SLC25A13: variants seen among roughly 807,000 people sequenced by gnomAD.
SLC25A13 encodes electrogenic aspartate/glutamate antiporter SLC25A13, mitochondrial.
A neutral mutation model predicts 85.5 loss-of-function variants in SLC25A13; 70 were observed. The observed-to-expected ratio is 0.82, with a 90% confidence interval of 0.68 to 1.00. SLC25A13 has a LOEUF of 1.00. SLC25A13 is among the 50% of genes least tolerant of loss of function. SLC25A13 has a pLI of 0.00. For synonymous variants in SLC25A13, 259 were observed against 288.7 expected (o/e 0.90, Z 1.04); for missense variants, 765 against 819.8 (o/e 0.93, Z 0.82).
chr7:96,321,552 C>T (rs78719334), intron 1 of SLC25A13, among the ~76,000 whole-genome samples: 2,969 of 152,300 alleles, frequency 0.019, 94 homozygotes, highest in African/African-American at 0.066. Flanking sequence ...AGTCAACAAC[C>T]AGCGGGGTCA....
chr7:96,162,497 A>T (rs113239565), intron 13 of SLC25A13, among the ~76,000 whole-genome samples: 1,626 of 152,280 alleles, frequency 0.011, 29 homozygotes, highest in African/African-American at 0.036. Flanking sequence ...CCATGACTCA[A>T]GGCTGCCATA....
chr7:96,185,481 C>G (rs966596173), intron 9 of SLC25A13, among the ~76,000 whole-genome samples: 2 of 152,120 alleles, frequency 1.3e-5, no homozygotes, highest in Non-Finnish European at 2.9e-5. Flanking sequence ...TGCCTGTAGT[C>G]TCAGCTACTC....
In SLC25A13 at chr7:96,297,807, G is replaced by A. The variant is rs1406630744; in HGVS notation, c.16-856C>T. Reference sequence around the variant, plus strand: ...ATTAATAAATCATAGGTCTCCAAAGGTATGATATTATTCTACATATTTTAG... The same window carrying A: ...ATTAATAAATCATAGGTCTCCAAAGATATGATATTATTCTACATATTTTAG... On this transcript the variant is annotated intron_variant, in intron 1 of 17. Transcript: ENST00000265631. Among the ~76,000 whole-genome samples, 4 of 152,194 alleles carry A rather than the reference G, an allele frequency of 2.6e-5. No homozygotes were observed. In the East Asian group the frequency reaches 7.7e-4, roughly 29 times the overall value.
intron 3 of SLC25A13, among the ~76,000 whole-genome samples, chr7:96,271,634 G>C (rs1052656340): frequency 6.6e-6 from 1 of 152,086 alleles, no homozygotes; most frequent in Non-Finnish European, 1.5e-5. Context: ...TTATCTCATC[G>C]ATAAAACCAA....
intron 13 of SLC25A13, among the ~76,000 whole-genome samples, chr7:96,156,700 C>G (rs1793280601): frequency 6.6e-6 from 1 of 152,142 alleles, no homozygotes; most frequent in Admixed American, 6.6e-5. Flanking sequence ...ACCTGCCCGC[C>G]TCAGCCTCCC....
At chr7:96,321,563 G>A (rs1316385767) in intron 1 of SLC25A13, among the ~76,000 whole-genome samples, 1 of 152,214 alleles carries the variant, frequency 6.6e-6, no homozygotes, top group Non-Finnish European at 1.5e-5. Flanking sequence ...AGCGGGGTCA[G>A]GAGCAGGAGC....
intron 3 of SLC25A13, among the ~76,000 whole-genome samples, chr7:96,256,727 C>G (rs981505084): frequency 5.9e-5 from 9 of 152,166 alleles, no homozygotes; most frequent in Non-Finnish European, 1.3e-4. Context: ...AACTAATAGA[C>G]AGCTATAGAA....
intron 2 of SLC25A13, among the ~76,000 whole-genome samples, chr7:96,277,544 G>C (rs1260261890): frequency 2.0e-5 from 3 of 152,090 alleles, no homozygotes; most frequent in Non-Finnish European, 4.4e-5. Context: ...TGGGAGCAAT[G>C]TTTTCCCACA....
At chr7:96,249,085 C>T (rs753833781) in intron 3 of SLC25A13, among the ~76,000 whole-genome samples, 55 of 152,262 alleles carry the variant, frequency 3.6e-4, no homozygotes, top group South Asian at 6.2e-4. Context: ...GTGGGAGGGT[C>T]GCTTGAGCCC....
intron 3 of SLC25A13, among the ~76,000 whole-genome samples, chr7:96,246,938 T>C (rs1000528093): frequency 1.3e-5 from 2 of 152,252 alleles, no homozygotes; most frequent in Admixed American, 6.5e-5. Context: ...TTTCTTCTTA[T>C]TGTATTTTTG....
At chr7:96,196,649 C>G (rs1372274217) in intron 5 of SLC25A13, among the ~76,000 whole-genome samples, 1 of 152,180 alleles carries the variant, frequency 6.6e-6, no homozygotes, top group African/African-American at 2.4e-5. Context: ...TGATGAACAA[C>G]CTGAGAATAC....
intron 15 of SLC25A13, among the ~76,000 whole-genome samples, chr7:96,126,749 A>G (rs907185894): frequency 6.6e-6 from 1 of 152,168 alleles, no homozygotes; most frequent in Non-Finnish European, 1.5e-5. Context: ...TAGTGCCAAT[A>G]AAGAATTTTT....
At chr7:96,184,716 T>C (rs970793771) in intron 10 of SLC25A13, 9 of 635,432 alleles carry the variant, frequency 1.4e-5, no homozygotes, top group Admixed American at 1.1e-4. Flanking sequence ...GATCTGTAGA[T>C]AGAGGAAAAT....
intron 4 of SLC25A13, among the ~76,000 whole-genome samples, chr7:96,215,930 G>A (rs569267547): frequency 3.9e-4 from 59 of 152,062 alleles, no homozygotes; most frequent in Non-Finnish European, 7.4e-4. Flanking sequence ...CGAGATGGGC[G>A]GATCACCTGA....
chr7:96,215,885 T>C (rs1017640581), intron 4 of SLC25A13, among the ~76,000 whole-genome samples: 11 of 152,138 alleles, frequency 7.2e-5, no homozygotes, highest in Admixed American at 2.6e-4. Context: ...CCAGGCACGG[T>C]GGCTCACGCC....
At chr7:96,164,134 A>G (rs1793640141) in intron 13 of SLC25A13, among the ~76,000 whole-genome samples, 1 of 152,228 alleles carries the variant, frequency 6.6e-6, no homozygotes, top group Admixed American at 6.5e-5. Context: ...ACCTGTTTTA[A>G]CAAACACACT....
At chr7:96,148,127 A>G (rs954433485) in intron 13 of SLC25A13, among the ~76,000 whole-genome samples, 1 of 152,088 alleles carries the variant, frequency 6.6e-6, no homozygotes, top group Non-Finnish European at 1.5e-5. Flanking sequence ...TAATCAAGTC[A>G]CTCTTGTTCT....
rs144067593 is a variant in SLC25A13, at chr7:96,173,053, C to G, written c.1178-1529G>C. Among the ~76,000 whole-genome samples, 754 of 152,312 alleles carry G rather than the reference C, an allele frequency of 5.0e-3. 3 individuals are homozygous for G. The highest frequency in any genetic ancestry group is 8.5e-3 in the Non-Finnish European group (581 of 68,026). On this transcript the variant is annotated intron_variant, in intron 11 of 17. Transcript: ENST00000265631. Reference sequence around the variant, plus strand: ...GATTACAGGCGTGAGCCACAGCGCCCGGCCTCCAGTTTCTATTTTTATTGC... The same window carrying G: ...GATTACAGGCGTGAGCCACAGCGCCGGGCCTCCAGTTTCTATTTTTATTGC...
At chr7:96,223,088 GA>G (rs910309313) in intron 4 of SLC25A13, among the ~76,000 whole-genome samples, 153 of 140,880 alleles carry the variant, frequency 1.1e-3, no homozygotes, top group African/African-American at 2.3e-3. Context: ...TTTTCCCCAG[GA>G]AAAAAAAAAA....
Sources: gnomAD v4.1 joint callset for allele counts (sites outside exome capture counted in the v4.1 genomes callset) on GRCh38, gnomAD v4.1.1 for gene constraint, MANE v1.5 for transcripts, NCBI Gene and HGNC (gene_info 2026-07-23, HGNC 2026-07-21) for gene names.